The following ZNF407 variants were observed in gnomAD, a reference collection of about 807,000 sequenced individuals.
The protein encoded by ZNF407 is zinc finger protein 407.
ZNF407 carries 17 observed loss-of-function variants against 131.2 expected under a neutral mutation model. That is an observed-to-expected ratio of 0.13 (90% CI 0.09 to 0.19). The LOEUF is 0.19. Among genes scored for constraint, ZNF407 ranks in the 10% least tolerant of loss-of-function variants. The pLI, the probability that ZNF407 is intolerant of heterozygous loss-of-function variation, is 1.00. For missense variants in ZNF407, 2,681 were observed against 2,830.6 expected (o/e 0.95, Z 1.20); for synonymous variants, 1,156 against 1,062.0 (o/e 1.09, Z -1.72).
chr18:74,853,089 T>C (rs548057313), intron 4 of ZNF407, among the ~76,000 whole-genome samples: 2 of 152,252 alleles, frequency 1.3e-5, no homozygotes, highest in South Asian at 2.1e-4. Context: ...AAGGTCCACC[T>C]TTTTCCCTAG....
intron 3 of ZNF407, among the ~76,000 whole-genome samples, chr18:74,755,604 T>TTTTTC (rs1968919826): frequency 1.6e-5 from 2 of 126,312 alleles, no homozygotes; most frequent in African/African-American, 6.0e-5. Flanking sequence ...TTTTTTTTTT[T>TTTTTC]CTGAGACCGA....
chr18:74,816,789 A>G (rs1212957521), intron 4 of ZNF407, among the ~76,000 whole-genome samples: 1 of 152,182 alleles, frequency 6.6e-6, no homozygotes, highest in Admixed American at 6.5e-5. Flanking sequence ...AGTTTTGATC[A>G]ATATTTGCGT....
Position 75,063,133 on chromosome 18 carries a change from G to A in ZNF407, c.5429-17G>A, listed in dbSNP as rs375392787. 138 of 1,543,432 alleles carry A rather than the reference G, an allele frequency of 8.9e-5. No individual in the cohort carries two copies. Among genetic ancestry groups the A allele is most frequent in the Non-Finnish European group, 3.2e-5 (37 of 1,144,192 alleles). The stretch of plus-strand genomic sequence containing the variant: ...GAGTACTTTTTCCAGGCTCTAACTG[G>A]TCCCTGTCTCCCTTAGGCATTGTTT... On this transcript the variant is annotated splice_polypyrimidine_tract_variant and intron_variant, in intron 8 of 8. Coordinates refer to ENST00000299687, the MANE Select transcript of ZNF407 (RefSeq NM_017757.3). This position sits in a 1 kb window ranked among gnomAD's most constrained non-coding sequence, Gnocchi z 6.6.
At chr18:74,915,039 T>C (rs1971728125) in intron 7 of ZNF407, among the ~76,000 whole-genome samples, 1 of 152,220 alleles carries the variant, frequency 6.6e-6, no homozygotes, top group Admixed American at 6.5e-5. Context: ...GGACTTCTCA[T>C]AAATTTTCTT....
At chr18:75,039,498 G>A (rs1044057014) in intron 8 of ZNF407, among the ~76,000 whole-genome samples, 1 of 152,116 alleles carries the variant, frequency 6.6e-6, no homozygotes, top group Non-Finnish European at 1.5e-5. Context: ...GCACAGTAAC[G>A]GTGCTGCAGG....
chr18:74,886,995 G>A (rs1031457157), intron 6 of ZNF407, among the ~76,000 whole-genome samples: 1 of 152,096 alleles, frequency 6.6e-6, no homozygotes, highest in Non-Finnish European at 1.5e-5. Flanking sequence ...TGCTTCCTTT[G>A]TGTTTCTGTT....
rs112244207 is a variant in ZNF407 at position 74,703,349 on chromosome 18, G to GTGTCTCTGTCTC, written c.4802+62235_4802+62246dup. Among the ~76,000 whole-genome samples the GTGTCTCTGTCTC allele has an allele frequency of 2.0e-5, 3 of 151,936 alleles. No individual in the cohort carries two copies. Among genetic ancestry groups the GTGTCTCTGTCTC allele is most frequent in the African/African-American group, 7.3e-5 (3 of 41,312 alleles). ...GATCTCTCTCTCTCTCTCCCCATGT[G>GTGTCTCTGTCTC]TGTCTCTGTCTCTGTCTCTCTCTCT... On this transcript the variant is annotated intron_variant, in intron 3 of 8. Transcript: ENST00000299687. This position sits in a 1 kb window ranked among gnomAD's most constrained non-coding sequence, Gnocchi z 4.1.
chr18:74,917,566 C>T (rs538939594), intron 7 of ZNF407, among the ~76,000 whole-genome samples: 1 of 152,120 alleles, frequency 6.6e-6, no homozygotes, highest in Non-Finnish European at 1.5e-5. Context: ...TTACCTATTT[C>T]AGTAATAGTC....
intron 3 of ZNF407, among the ~76,000 whole-genome samples, chr18:74,698,408 T>G (rs1967411001): frequency 6.6e-6 from 1 of 152,228 alleles, no homozygotes; most frequent in African/African-American, 2.4e-5. Context: ...ACCGTTGTCC[T>G]TCTGAGCTGG....
At chr18:74,676,028 T>C (rs923096239) in intron 3 of ZNF407, among the ~76,000 whole-genome samples, 2 of 152,226 alleles carry the variant, frequency 1.3e-5, no homozygotes, top group African/African-American at 2.4e-5. Flanking sequence ...CAAGTCTACA[T>C]TCAAGTTCTA....
intron 8 of ZNF407, among the ~76,000 whole-genome samples, chr18:74,940,903 C>T (rs1238012576): frequency 6.6e-6 from 1 of 152,166 alleles, no homozygotes; most frequent in Non-Finnish European, 1.5e-5. Flanking sequence ...GTGTACTGCT[C>T]AGTTTTCTTT....
At chr18:74,885,596 T>C (rs1166472969) in intron 6 of ZNF407, among the ~76,000 whole-genome samples, 3 of 152,224 alleles carry the variant, frequency 2.0e-5, no homozygotes, top group Admixed American at 6.5e-5. Flanking sequence ...GTTACAATAA[T>C]GAAATCCTTC....
rs577868036 is a variant in ZNF407, at chr18:74,695,542, G to GA, written c.4802+54433dup. Among the ~76,000 whole-genome samples, 804 of 126,648 alleles carry GA rather than the reference G, an allele frequency of 6.3e-3. 5 individuals are homozygous for GA. Among genetic ancestry groups the GA allele is most frequent in the African/African-American group, 0.019 (643 of 34,660 alleles). 83.1% of individuals were successfully genotyped at this position (126,648 alleles called of 152,430 possible). On this transcript the variant is annotated intron_variant, in intron 3 of 8. Coordinates refer to ENST00000299687, the MANE Select transcript of ZNF407 (RefSeq NM_017757.3). Reference sequence around the variant, plus strand: ...TAGCACAGCCTTTTCCTGATTTAAAGAAAAAAAAAAAAAGCCCTTGATGTC... The same window carrying GA: ...TAGCACAGCCTTTTCCTGATTTAAAGAAAAAAAAAAAAAAGCCCTTGATGTC...
intron 8 of ZNF407, among the ~76,000 whole-genome samples, chr18:74,987,425 ACGTGTGGTGTC>A (rs1248631674): frequency 6.6e-6 from 1 of 152,192 alleles, no homozygotes; most frequent in African/African-American, 2.4e-5. Context: ...CGGTGAGCTC[ACGTGTGGTGTC>A]CGTGTTCATC....
rs1038798772 is a variant in ZNF407 at position 74,968,931 on chromosome 18, T to G, written c.5428+48239T>G. 2.0e-5 allele frequency among the ~76,000 whole-genome samples: 3 copies of G among 152,274 alleles called. No individual in the cohort carries two copies. The South Asian group carries it at 6.2e-4, about 32-fold the overall frequency. On this transcript the variant is annotated intron_variant, in intron 8 of 8. Coordinates refer to ENST00000299687, the MANE Select transcript of ZNF407 (RefSeq NM_017757.3). ...GGGGCTTTTGTCATTGTCCCCATGT[T>G]CCCTCGGGCTCTGTGCATTTTGTTC...
chr18:74,946,588 A>G (rs1489228694), intron 8 of ZNF407, among the ~76,000 whole-genome samples: 2 of 152,262 alleles, frequency 1.3e-5, no homozygotes, highest in Non-Finnish European at 1.5e-5. Flanking sequence ...AAAATCAACA[A>G]TTATAGTTGA....
chr18:74,811,944 A>C (rs1306636171), intron 4 of ZNF407, among the ~76,000 whole-genome samples: 1 of 151,660 alleles, frequency 6.6e-6, no homozygotes, highest in Admixed American at 6.6e-5. Context: ...TGACGAGTTA[A>C]TGGGTGCAGC....
At chr18:74,788,562 C>T (rs1347991882) in intron 4 of ZNF407, among the ~76,000 whole-genome samples, 1 of 150,416 alleles carries the variant, frequency 6.6e-6, no homozygotes, top group African/African-American at 2.4e-5. Context: ...GGAGTCCTTG[C>T]TCTCTAGCTG....
intron 8 of ZNF407, among the ~76,000 whole-genome samples, chr18:74,929,611 T>G (rs1041909506): frequency 4.6e-5 from 7 of 152,170 alleles, no homozygotes; most frequent in Admixed American, 2.0e-4. Flanking sequence ...ACACACATAT[T>G]TTGACCCCCA....
Sources: allele counts gnomAD v4.1 joint callset (sites outside exome capture counted in the v4.1 genomes callset), GRCh38; gene constraint gnomAD v4.1.1; non-coding constraint Gnocchi (gnomAD v3.1); transcripts MANE v1.5; gene names NCBI Gene and HGNC (gene_info 2026-07-23, HGNC 2026-07-21).